Variants in CHODL observed in about 807,000 individuals in gnomAD.
CHODL encodes transmembrane protein MT75.
CHODL carries 29 observed loss-of-function variants against 34.5 expected under a neutral mutation model. That is an observed-to-expected ratio of 0.84 (90% confidence interval 0.63 to 1.15). The LOEUF (loss-of-function observed/expected upper bound fraction) is 1.15. Ranked by LOEUF, CHODL falls within the 50% of genes most tolerant of loss-of-function variation. CHODL has a pLI of 0.00. For synonymous variants in CHODL, 125 were observed against 116.1 expected (o/e 1.08, Z -0.49); for missense variants, 332 against 332.5 (o/e 1.00, Z 0.01).
At chr21:18,044,560 A>G (rs1274417833) in intron 2 of CHODL, among the ~76,000 whole-genome samples, 15 of 152,042 alleles carry the variant, frequency 9.9e-5, no homozygotes, top group African/African-American at 3.4e-4. Flanking sequence ...TCCATAAGAG[A>G]GCATTCTATA....
At chr21:18,141,726 A>G (rs1025180804) in intron 2 of CHODL, among the ~76,000 whole-genome samples, 5 of 141,574 alleles carry the variant, frequency 3.5e-5, no homozygotes, top group African/African-American at 1.2e-4. Flanking sequence ...AGAACAGGAA[A>G]AAAAAAAAAA....
At chr21:18,226,481 T>C (rs531684138) in intron 2 of CHODL, among the ~76,000 whole-genome samples, 30 of 152,214 alleles carry the variant, frequency 2.0e-4, no homozygotes, top group South Asian at 6.2e-4. Context: ...TTCTGTTCAG[T>C]AGAGACAGGG....
At chr21:18,114,412 C>T (rs970999277) in intron 2 of CHODL, among the ~76,000 whole-genome samples, 1 of 152,056 alleles carries the variant, frequency 6.6e-6, no homozygotes, top group Admixed American at 6.5e-5. Flanking sequence ...AATATATATA[C>T]TATGTACCCA....
At chr21:17,950,229 C>A (rs1335052933) in intron 1 of CHODL, among the ~76,000 whole-genome samples, 1 of 151,726 alleles carries the variant, frequency 6.6e-6, no homozygotes, top group Non-Finnish European at 1.5e-5. Context: ...CAAGGAAAAG[C>A]AGACTTGTTA....
intron 2 of CHODL, among the ~76,000 whole-genome samples, chr21:18,180,740 A>G (rs1226151403): frequency 2.0e-5 from 3 of 152,176 alleles, no homozygotes; most frequent in Admixed American, 6.5e-5. Context: ...AGTTACACAT[A>G]TTTATCAGGC....
At chr21:18,138,537 T>G (rs1195265796) in intron 2 of CHODL, among the ~76,000 whole-genome samples, 4 of 152,174 alleles carry the variant, frequency 2.6e-5, no homozygotes, top group African/African-American at 7.2e-5. Flanking sequence ...TTACAGAATT[T>G]TATTGATTTT....
At chr21:18,120,158 A>C (rs1168436083) in intron 2 of CHODL, among the ~76,000 whole-genome samples, 1 of 152,142 alleles carries the variant, frequency 6.6e-6, no homozygotes, top group African/African-American at 2.4e-5. Context: ...ATTGTTTCAC[A>C]TTGTGCTGAT....
intron 2 of CHODL, among the ~76,000 whole-genome samples, chr21:18,182,097 G>T (rs1002675267): frequency 6.6e-6 from 1 of 152,126 alleles, no homozygotes; most frequent in Non-Finnish European, 1.5e-5. Flanking sequence ...GAACAGAATT[G>T]CTGGGTAATA....
chr21:18,122,547 A>AG (rs2065492545), intron 2 of CHODL, among the ~76,000 whole-genome samples: 1 of 119,262 alleles, frequency 8.4e-6, no homozygotes, highest in African/African-American at 3.6e-5. Flanking sequence ...ATTTCTGCTC[A>AG]ATTTTTTTTT....
At chr21:17,941,962 C>T (rs187450258) in intron 1 of CHODL, among the ~76,000 whole-genome samples, 40 of 152,244 alleles carry the variant, frequency 2.6e-4, no homozygotes, top group African/African-American at 8.2e-4. Context: ...CCATTCATGA[C>T]GCCTTCACTC....
intron 2 of CHODL, among the ~76,000 whole-genome samples, chr21:18,106,000 C>G (rs1193455580): frequency 6.6e-6 from 1 of 152,102 alleles, no homozygotes; most frequent in East Asian, 1.9e-4. Context: ...ACCAGCCACA[C>G]CTAAATTCTA....
At chr21:18,220,250 A>G (rs759882347) in intron 2 of CHODL, among the ~76,000 whole-genome samples, 19 of 152,162 alleles carry the variant, frequency 1.2e-4, no homozygotes, top group Non-Finnish European at 2.8e-4. Context: ...CGTAGGTAGC[A>G]TATAGTTCAG....
intron 2 of CHODL, among the ~76,000 whole-genome samples, chr21:18,208,171 C>CTTT (rs113821427): frequency 0.014 from 1,971 of 142,968 alleles, 57 homozygotes; most frequent in African/African-American, 0.048. Context: ...TCTTCTTCTT[C>CTTT]TTTTTTTTTT....
At chr21:17,962,379 A>G (rs2063538424) in intron 1 of CHODL, among the ~76,000 whole-genome samples, 1 of 152,174 alleles carries the variant, frequency 6.6e-6, no homozygotes, top group African/African-American at 2.4e-5. Flanking sequence ...TCAGGTTTTA[A>G]TGTATACACA....
chr21:18,176,488 C>T (rs938202625), intron 2 of CHODL, among the ~76,000 whole-genome samples: 5 of 152,134 alleles, frequency 3.3e-5, no homozygotes, highest in African/African-American at 9.7e-5. Context: ...ATGATTTACT[C>T]TTGTTCTAAG....
At chr21:18,106,966 T>G (rs1270832215) in intron 2 of CHODL, among the ~76,000 whole-genome samples, 1 of 152,184 alleles carries the variant, frequency 6.6e-6, no homozygotes, top group Admixed American at 6.5e-5. Context: ...GCTTGAAAAC[T>G]GACAGAATCT....
chr21:18,183,788 G>A (rs1193395073), intron 2 of CHODL, among the ~76,000 whole-genome samples: 1 of 142,072 alleles, frequency 7.0e-6, no homozygotes, highest in East Asian at 2.3e-4. Context: ...CACAGAGTAA[G>A]GTTGGAACTC....
At chr21:17,964,168 A>C (rs1455185776) in intron 1 of CHODL, among the ~76,000 whole-genome samples, 1 of 152,256 alleles carries the variant, frequency 6.6e-6, no homozygotes, top group Non-Finnish European at 1.5e-5. Context: ...AAATGAAATA[A>C]AATAATTGTC....
intron 2 of CHODL, among the ~76,000 whole-genome samples, chr21:18,142,548 G>A (rs115985261): frequency 0.03 from 4,493 of 152,156 alleles, 218 homozygotes; most frequent in African/African-American, 0.1. Context: ...CCAGTTTCTG[G>A]TTTCAAGTTG....
Sources: gnomAD v4.1 joint callset for allele counts (sites outside exome capture counted in the v4.1 genomes callset) on GRCh38, gnomAD v4.1.1 for gene constraint, MANE v1.5 for transcripts, NCBI Gene and HGNC (gene_info 2026-07-23, HGNC 2026-07-21) for gene names.